PSMD1: variants seen among roughly 807,000 people sequenced by gnomAD.
PSMD1 encodes proteasome 26S subunit, non-ATPase 1.
PSMD1 carries 18 observed loss-of-function variants against 119.0 expected under a neutral mutation model. The observed-to-expected ratio is 0.15, with a 90% CI of 0.10 to 0.22. The LOEUF is 0.22. PSMD1 is among the 10% of genes least tolerant of loss of function. The pLI, the probability that PSMD1 is intolerant of heterozygous loss-of-function variation, is 1.00. For missense variants in PSMD1, 702 were observed against 1,158.5 expected (o/e 0.61, Z 5.72); for synonymous variants, 374 against 396.6 (o/e 0.94, Z 0.68).
At chr2:231,158,736 T>C (rs1696567242) in intron 19 of PSMD1, among the ~76,000 whole-genome samples, 1 of 152,244 alleles carries the variant, frequency 6.6e-6, no homozygotes, top group South Asian at 2.1e-4. Flanking sequence ...AATACTTTCA[T>C]ATCTTATTTT....
chr2:231,124,822 G>A (rs1434981915), intron 16 of PSMD1: 10 of 151,602 alleles, frequency 6.6e-5, no homozygotes, highest in South Asian at 2.1e-4. Context: ...TACAAATCAC[G>A]TTTTTAAAAA....
At chr2:231,139,320 T>C (rs1177723745) in intron 17 of PSMD1, among the ~76,000 whole-genome samples, 1,749 of 142,266 alleles carry the variant, frequency 0.012, 18 homozygotes, top group African/African-American at 0.042. Context: ...CTTTCTTTTT[T>C]TTTTTTTTTT....
At chr2:231,160,658 C>T (rs1430622055) in intron 19 of PSMD1, among the ~76,000 whole-genome samples, 1 of 152,142 alleles carries the variant, frequency 6.6e-6, no homozygotes, top group Admixed American at 6.5e-5. Flanking sequence ...TTTATTAACA[C>T]ATGAAAAGCC....
chr2:231,093,707 A>C (rs1057438741), intron 16 of PSMD1, among the ~76,000 whole-genome samples: 1 of 152,220 alleles, frequency 6.6e-6, no homozygotes, highest in African/African-American at 2.4e-5. Flanking sequence ...AAATTTTAAA[A>C]ATTAAGGGTA....
intron 15 of PSMD1, among the ~76,000 whole-genome samples, chr2:231,086,625 C>T (rs775323717): frequency 2.1e-4 from 32 of 152,104 alleles, no homozygotes; most frequent in Non-Finnish European, 3.8e-4. Context: ...CCACTGCACT[C>T]CAGCCTGGGT....
intron 16 of PSMD1, among the ~76,000 whole-genome samples, chr2:231,093,081 G>C (rs111581018): frequency 1.3e-5 from 2 of 152,142 alleles, no homozygotes; most frequent in African/African-American, 2.4e-5. Context: ...TGGGAAGGGG[G>C]TGTCTGCCCA....
At chr2:231,155,622 G>T (rs1357741871) in intron 19 of PSMD1, among the ~76,000 whole-genome samples, 4 of 149,858 alleles carry the variant, frequency 2.7e-5, no homozygotes, top group African/African-American at 2.5e-5. Context: ...CTTTATTTTT[G>T]ATCTTATCTT....
chr2:231,118,867 G>T (rs1236358198), intron 16 of PSMD1, among the ~76,000 whole-genome samples: 2 of 152,194 alleles, frequency 1.3e-5, no homozygotes, highest in East Asian at 3.8e-4. Flanking sequence ...CTCAGTTCAT[G>T]AACTTATTGC....
At chr2:231,089,623 ATT>A (rs1183679360) in intron 16 of PSMD1, among the ~76,000 whole-genome samples, 1 of 151,792 alleles carries the variant, frequency 6.6e-6, no homozygotes, top group Non-Finnish European at 1.5e-5. Context: ...ATGGGAGTTT[ATT>A]AAGTATTAAC....
intron 17 of PSMD1, among the ~76,000 whole-genome samples, chr2:231,142,470 T>C (rs1366691162): frequency 6.6e-6 from 1 of 152,220 alleles, no homozygotes; most frequent in Non-Finnish European, 1.5e-5. Flanking sequence ...CAGATTATTC[T>C]GAACTTAATA....
At chr2:231,091,628 C>A (rs1694595989) in intron 16 of PSMD1, among the ~76,000 whole-genome samples, 1 of 152,172 alleles carries the variant, frequency 6.6e-6, no homozygotes, top group South Asian at 2.1e-4. Context: ...CAGTAACATT[C>A]TTTTCCAACA....
intron 19 of PSMD1, among the ~76,000 whole-genome samples, chr2:231,158,755 A>G (rs1016703200): frequency 2.0e-5 from 3 of 152,160 alleles, no homozygotes; most frequent in Admixed American, 2.0e-4. Flanking sequence ...TTAATTATCA[A>G]ATTATCTGTC....
intron 8 of PSMD1, among the ~76,000 whole-genome samples, 156 bp from the exon 9 acceptor site, chr2:231,076,878 T>C (rs1370092353): frequency 1.3e-5 from 2 of 152,240 alleles, no homozygotes; most frequent in African/African-American, 4.8e-5. Flanking sequence ...GCTAGTATCA[T>C]ATCTCAGTAG....
chr2:231,136,331 C>A (rs184846573), intron 16 of PSMD1, among the ~76,000 whole-genome samples: 1 of 152,136 alleles, frequency 6.6e-6, no homozygotes, highest in Non-Finnish European at 1.5e-5. Context: ...GTTGGAAATT[C>A]GGGTTTTAAT....
intron 16 of PSMD1, among the ~76,000 whole-genome samples, chr2:231,092,914 A>G (rs1694632980): frequency 6.6e-6 from 1 of 152,228 alleles, no homozygotes; most frequent in African/African-American, 2.4e-5. Flanking sequence ...GCAGGTACAC[A>G]GTAAGGATTG....
chr2:231,131,308 G>C (rs1005640079), intron 16 of PSMD1, among the ~76,000 whole-genome samples: 1 of 151,944 alleles, frequency 6.6e-6, no homozygotes, highest in Non-Finnish European at 1.5e-5. Context: ...ATCATGCTGC[G>C]ATCTATTCAT....
At chr2:231,088,850 G>A (rs991173790) in intron 16 of PSMD1, among the ~76,000 whole-genome samples, 6 of 152,144 alleles carry the variant, frequency 3.9e-5, no homozygotes, top group Admixed American at 2.0e-4. Context: ...AAGACATGTC[G>A]AAAGCCAAGA....
chr2:231,146,396 G>T, intron 18 of PSMD1, 40 bp downstream of exon 18: 1 of 1,484,482 alleles, frequency 6.7e-7, no homozygotes, highest in South Asian at 1.2e-5. Flanking sequence ...GAGATGGTTT[G>T]GTCTTTTCTT....
intron 16 of PSMD1, among the ~76,000 whole-genome samples, chr2:231,102,649 C>G (rs1338915569): frequency 6.6e-6 from 1 of 151,708 alleles, no homozygotes; most frequent in Non-Finnish European, 1.5e-5. Flanking sequence ...CCCCATTGTC[C>G]TCACATTGGG....
Sources: allele counts gnomAD v4.1 joint callset (sites outside exome capture counted in the v4.1 genomes callset), GRCh38; gene constraint gnomAD v4.1.1; transcripts MANE v1.5; gene names NCBI Gene and HGNC (gene_info 2026-07-23, HGNC 2026-07-21).